Variants in AKR1B1 observed in about 807,000 individuals in gnomAD.
The protein encoded by AKR1B1 is aldo-keto reductase family 1 member B.
AKR1B1 carries 22 observed loss-of-function variants against 40.4 expected under a neutral mutation model. The observed-to-expected ratio is 0.54, with a 90% CI of 0.39 to 0.78. The LOEUF (loss-of-function observed/expected upper bound fraction) is 0.78, where lower values mean the gene tolerates loss of function less well. AKR1B1 is among the 30% of genes least tolerant of loss of function. The pLI is 0.00. For missense variants in AKR1B1, 357 were observed against 396.7 expected, an observed-to-expected ratio of 0.90 and a Z score of 0.85; for synonymous variants, 157 against 149.9, an observed-to-expected ratio of 1.05 and a Z score of -0.35.
intron 2 of AKR1B1, chr7:134,451,298 A>C: frequency 1.8e-6 from 1 of 545,394 alleles, no homozygotes; most frequent in Non-Finnish European, 3.3e-6. Context: ...GATGGGAACC[A>C]AGTTCCATCC....
rs568194061 is a variant in AKR1B1 at position 134,456,705 on chromosome 7, C to T, written c.66+2292G>A. On this transcript the variant is annotated intron_variant, in intron 1 of 9. Coordinates refer to ENST00000285930, the MANE Select transcript of AKR1B1 (RefSeq NM_001628.4). ...TTTACTTCTTCATATGAATTCAACA[C>T]ATAACTTTTGGATACCTACTCCTAT... Among the ~76,000 whole-genome samples, 100 of 152,246 alleles carry T rather than the reference C, an allele frequency of 6.6e-4. 1 individual carries two copies. The highest frequency in any genetic ancestry group is 3.4e-3 in the Middle Eastern group (1 of 294).
intron 2 of AKR1B1, 183 bp from the exon 3 acceptor site, chr7:134,451,085 TC>T (rs1223386049): frequency 1.5e-5 from 10 of 678,322 alleles, no homozygotes; most frequent in Non-Finnish European, 2.7e-5. Context: ...GATGACCAGG[TC>T]ACAGAGACCT....
chr7:134,454,218 A>AT (rs1392882954), intron 1 of AKR1B1, among the ~76,000 whole-genome samples: 4 of 152,184 alleles, frequency 2.6e-5, no homozygotes, highest in Non-Finnish European at 5.9e-5. Flanking sequence ...TTCCTCCCAG[A>AT]ACTTCTGGCT....
chr7:134,448,549 C>T lies in AKR1B1; in HGVS notation c.553-56G>A, dbSNP rs1585711144. On this transcript the variant is annotated intron_variant, in intron 5 of 9. Coordinates refer to ENST00000285930, the MANE Select transcript of AKR1B1 (RefSeq NM_001628.4). ...GCACTGTGGCTACACGCTGATGGGA[C>T]ACAGATGAAGCTTCCTATGCTAAAG... The T allele has an allele frequency of 2.2e-6, 3 of 1,341,716 alleles. No individual in the cohort carries two copies. In the East Asian group the frequency reaches 6.9e-5, roughly 31 times the overall value. The allele number at this position is 1,341,716 out of a possible 1,614,324, so 83.1% of individuals were successfully genotyped here.
intron 3 of AKR1B1, among the ~76,000 whole-genome samples, chr7:134,450,325 C>A (rs2670230): frequency 0.5 from 75,283 of 151,954 alleles, 19,394 homozygotes; most frequent in East Asian, 0.92. Context: ...CTTCTTGTGC[C>A]AACAACTAGA....
intron 1 of AKR1B1, among the ~76,000 whole-genome samples, chr7:134,458,103 C>T (rs971960408): frequency 6.6e-6 from 1 of 152,198 alleles, no homozygotes; most frequent in South Asian, 2.1e-4. Flanking sequence ...TGCCTCAGCT[C>T]CCATACCACC....
intron 1 of AKR1B1, among the ~76,000 whole-genome samples, chr7:134,456,654 C>T (rs1214119861): frequency 6.6e-6 from 1 of 152,194 alleles, no homozygotes; most frequent in Non-Finnish European, 1.5e-5. Flanking sequence ...TGGGCGTTTT[C>T]ACCATACAGC....
At chr7:134,449,620 C>T in intron 4 of AKR1B1, 100 bp downstream of exon 4, 1 of 995,480 alleles carries the variant, frequency 1.0e-6, no homozygotes, top group Non-Finnish European at 1.6e-6. Context: ...ACAACAGGGA[C>T]AGAATAACAA....
chr7:134,459,085 C>G lies in AKR1B1; in HGVS notation c.-23G>C. The G allele has an allele frequency of 6.3e-7, 1 of 1,594,446 alleles. No homozygotes were observed. The highest frequency in any genetic ancestry group is 8.5e-7 in the Non-Finnish European group (1 of 1,171,372). ...CATGGCTGCTGCGCTCCCCAGACCC[C>G]CGCCCAGTACGGTGCGGCCTTGGCC... On this transcript the variant is annotated 5_prime_UTR_variant, in exon 1 of 10. Coordinates refer to ENST00000285930, the MANE Select transcript of AKR1B1 (RefSeq NM_001628.4).
chr7:134,455,943 T>C (rs117373984), intron 1 of AKR1B1, among the ~76,000 whole-genome samples: 2 of 152,296 alleles, frequency 1.3e-5, no homozygotes, highest in Non-Finnish European at 1.5e-5. Flanking sequence ...GGGGCAGAGA[T>C]GGTCTCCCCA....
At chr7:134,458,883 C>T in intron 1 of AKR1B1, 114 bp downstream of exon 1, 1 of 1,272,256 alleles carries the variant, frequency 7.9e-7, no homozygotes, top group Non-Finnish European at 1.1e-6. Flanking sequence ...TGGCTCCCAG[C>T]ACGCCGGGCG....
intron 5 of AKR1B1, 129 bp from the exon 6 acceptor site, chr7:134,448,622 T>C (rs1806183231): frequency 4.0e-6 from 3 of 753,020 alleles, no homozygotes; most frequent in Admixed American, 2.0e-5. Flanking sequence ...ACACCCTATT[T>C]CCCAGATAAG....
chr7:134,447,248 C>G lies in AKR1B1; in HGVS notation c.825+50G>C, dbSNP rs368876377. 1.1e-4 allele frequency: 158 copies of G among 1,495,578 alleles called. No individual in the cohort carries two copies. The African/African-American group carries it at 1.6e-3, about 16-fold the overall frequency. The allele number at this position is 1,495,578 out of a possible 1,614,324, so 92.6% of individuals were successfully genotyped here. A position where few individuals can be genotyped will look rare whatever the true frequency, so the allele number is the denominator to read the frequency against. ...CAGAGACAGGATGAGAGGCCTCCCC[C>G]ATCCCCCACTCCATGGAGGAGGGCC... On this transcript the variant is annotated intron_variant, in intron 8 of 9. Coordinates refer to ENST00000285930, the MANE Select transcript of AKR1B1 (RefSeq NM_001628.4).
At chr7:134,457,252 A>G (rs1490020761) in intron 1 of AKR1B1, among the ~76,000 whole-genome samples, 2 of 152,230 alleles carry the variant, frequency 1.3e-5, no homozygotes, top group Non-Finnish European at 2.9e-5. Context: ...AATGGAATAG[A>G]AAAAAATATT....
chr7:134,447,409 G>A, intron 7 of AKR1B1, 28 bp from the exon 8 acceptor site: 1 of 1,596,450 alleles, frequency 6.3e-7, no homozygotes, highest in Non-Finnish European at 8.6e-7. Context: ...CAGTGAGTGT[G>A]TATACATGCC....
At chr7:134,459,214 C>T (rs1004914567), upstream of AKR1B1, 4 of 913,306 alleles carry the variant, frequency 4.4e-6, no homozygotes, top group African/African-American at 5.0e-5. Context: ...CTGGGGGTGC[C>T]GCGGCGGCCT....
intron 1 of AKR1B1, among the ~76,000 whole-genome samples, chr7:134,455,575 TTTGTTGTTG>T (rs1013943445): frequency 6.6e-6 from 1 of 152,102 alleles, no homozygotes; most frequent in Non-Finnish European, 1.5e-5. Flanking sequence ...GTGATGGGTT[TTTGTTGTTG>T]TTGTTGTTTC....
intron 8 of AKR1B1, among the ~76,000 whole-genome samples, chr7:134,446,924 A>T (rs1205982298): frequency 2.0e-5 from 3 of 152,242 alleles, no homozygotes; most frequent in Non-Finnish European, 4.4e-5. Flanking sequence ...AAGCTGAGGC[A>T]TCGAGCAGTT....
Position 134,449,080 on chromosome 7 carries a change from T to C in AKR1B1, c.469A>G (p.Ile157Val). Residue 157 changes from isoleucine (I) to valine (V), a missense_variant, in exon 5 of 10, where the codon ATT becomes GTT. Transcript: ENST00000285930. ...ELVDEGLVKA[I>V]GISNFNHLQV... The stretch of plus-strand genomic sequence containing the variant: ...AGATGGTTGAAGTTGGAGATGCCAA[T>C]AGCTTTCACCAGCCCTTCATCCACC... 6.2e-7 allele frequency: 1 copy of C among 1,614,044 alleles called. No homozygotes were observed.
Sources: allele counts gnomAD v4.1 joint callset (sites outside exome capture counted in the v4.1 genomes callset), GRCh38; gene constraint gnomAD v4.1.1; transcripts MANE v1.5; gene names NCBI Gene and HGNC (gene_info 2026-07-23, HGNC 2026-07-21).